The following COBLL1 variants were observed in gnomAD, a reference collection of about 807,000 sequenced individuals.
The protein encoded by COBLL1 is cordon-bleu WH2 repeat protein like 1.
COBLL1 carries 50 observed loss-of-function variants against 94.8 expected under a neutral mutation model. The ratio of observed to expected loss-of-function variants is 0.53; its 90% CI spans 0.42 to 0.67. The LOEUF (loss-of-function observed/expected upper bound fraction) is 0.67, where lower values mean the gene tolerates loss of function less well. Among genes scored for constraint, COBLL1 ranks in the 30% least tolerant of loss-of-function variants. COBLL1 has a pLI of 0.00. For synonymous variants in COBLL1, 448 were observed against 473.8 expected (o/e 0.95, Z 0.71); for missense variants, 1,362 against 1,348.7 (o/e 1.01, Z -0.15).
rs145926321 is a variant in COBLL1, at chr2:164,815,572, G to A, written c.41+25584C>T. The stretch of plus-strand genomic sequence containing the variant: ...AATTGTATAAGCCTAGTTTCCTCCT[G>A]TATAAAAAGGGATAAAACATGAACC... On this transcript the variant is annotated intron_variant, in intron 2 of 13. Coordinates refer to ENST00000652658, the MANE Select transcript of COBLL1 (RefSeq NM_001365672.2). Among the ~76,000 whole-genome samples the A allele has an allele frequency of 3.2e-3, 488 of 152,170 alleles. 5 individuals carry two copies. The highest frequency in any genetic ancestry group is 3.2e-3 in the Non-Finnish European group (220 of 68,002).
intron 2 of COBLL1, 25 bp from the exon 3 acceptor site, chr2:164,743,900 A>C: frequency 6.9e-7 from 1 of 1,440,594 alleles, no homozygotes; most frequent in Non-Finnish European, 9.3e-7. Context: ...AAACACAAAA[A>C]ATACAAAATA....
At chr2:164,774,130 T>C (rs563924354) in intron 2 of COBLL1, among the ~76,000 whole-genome samples, 1 of 152,308 alleles carries the variant, frequency 6.6e-6, no homozygotes, top group African/African-American at 2.4e-5. Context: ...TATAATATTT[T>C]TTAAAGCCTT....
At chr2:164,793,529 C>T (rs1219397169) in intron 2 of COBLL1, among the ~76,000 whole-genome samples, 8 of 151,980 alleles carry the variant, frequency 5.3e-5, no homozygotes, top group South Asian at 2.1e-4. Context: ...TAATATTATG[C>T]CCTAATTTAT....
chr2:164,790,162 G>A (rs899694458), intron 2 of COBLL1, among the ~76,000 whole-genome samples: 1 of 152,160 alleles, frequency 6.6e-6, no homozygotes, highest in Non-Finnish European at 1.5e-5. Context: ...GTCTGCATGG[G>A]TTTTCTCCAG....
intron 2 of COBLL1, among the ~76,000 whole-genome samples, chr2:164,801,454 A>C (rs1683794988): frequency 6.8e-6 from 1 of 146,532 alleles, no homozygotes; most frequent in African/African-American, 2.5e-5. Context: ...AAAAAAAAAA[A>C]AAAAAAAAAA....
At chr2:164,775,449 GTTTGTTTTGT>G (rs747209477) in intron 2 of COBLL1, among the ~76,000 whole-genome samples, 3 of 152,046 alleles carry the variant, frequency 2.0e-5, no homozygotes, top group East Asian at 1.9e-4. Context: ...CCTGCTGGTA[GTTTGTTTTGT>G]TTTGTTTTGT....
intron 2 of COBLL1, among the ~76,000 whole-genome samples, chr2:164,764,279 TCTTA>T (rs1687833393): frequency 6.6e-6 from 1 of 152,212 alleles, no homozygotes; most frequent in Non-Finnish European, 1.5e-5. Context: ...TAACCAGTTG[TCTTA>T]CTATTAGTAG....
At chr2:164,673,026 A>C (rs1352183756) in intron 1 of COBLL1, among the ~76,000 whole-genome samples, 2 of 152,176 alleles carry the variant, frequency 1.3e-5, no homozygotes, top group Non-Finnish European at 2.9e-5. Context: ...TAATTTAAAA[A>C]TTGCCTTCAA....
chr2:164,753,443 G>T (rs1457044749), intron 2 of COBLL1, among the ~76,000 whole-genome samples: 1 of 116,472 alleles, frequency 8.6e-6, no homozygotes, highest in Admixed American at 8.2e-5. Flanking sequence ...TCTCCAAGGT[G>T]CACAAACAAA....
intron 2 of COBLL1, among the ~76,000 whole-genome samples, chr2:164,805,993 G>A (rs971726800): frequency 9.9e-5 from 15 of 152,232 alleles, no homozygotes; most frequent in Non-Finnish European, 2.9e-5. Flanking sequence ...ATTTGGTGTC[G>A]TCCATGTCTT....
At chr2:164,671,723 G>T in intron 1 of COBLL1, among the ~76,000 whole-genome samples, 1 of 151,562 alleles carries the variant, frequency 6.6e-6, no homozygotes, top group East Asian at 1.9e-4. Context: ...ACGTTATGAA[G>T]ATTTTTTTTT....
At position 164,694,939 on chromosome 2, in the gene COBLL1, G is replaced by C. The variant is rs764256857; in HGVS notation, c.2453C>G (p.Ala818Gly). ...AGCAGGTTTCAGAGGACTAACCATG[G>C]CATCATCAGGTGAGCTCACAGAACT... ...VPSSVSSPDDAMVSPLKPAPK... is the reference protein window; with the variant it reads ...VPSSVSSPDDGMVSPLKPAPK... Residue 818 changes from alanine (A) to glycine (G), a missense_variant, in exon 12 of 14, where the codon GCC (alanine) becomes GGC (glycine). Coordinates refer to ENST00000652658, the MANE Select transcript of COBLL1 (RefSeq NM_001365672.2). 6.8e-6 allele frequency: 11 copies of C among 1,613,790 alleles called. No individual in the cohort carries two copies. In the South Asian group the frequency reaches 1.2e-4, roughly 18 times the overall value.
intron 11 of COBLL1, among the ~76,000 whole-genome samples, chr2:164,699,177 C>A (rs1684105576): frequency 6.6e-6 from 1 of 151,908 alleles, no homozygotes; most frequent in Non-Finnish European, 1.5e-5. Flanking sequence ...CTAGGTTCAC[C>A]ACTTACCGTA....
chr2:164,741,971 C>G (rs1453037645), intron 3 of COBLL1, among the ~76,000 whole-genome samples: 1 of 151,916 alleles, frequency 6.6e-6, no homozygotes, highest in East Asian at 1.9e-4. Flanking sequence ...AATAAGGAAC[C>G]CTAAGATCTC....
chr2:164,694,689 A>T lies in COBLL1; in HGVS notation c.2703T>A (p.Asn901Lys), dbSNP rs1273131814. 11 of 1,613,412 alleles carry T rather than the reference A, an allele frequency of 6.8e-6. No individual in the cohort carries two copies. In the Admixed American group the frequency reaches 1.8e-4, roughly 27 times the overall value. ...APNPAPKELT[N>K]KEAERDMLPS... is the part of the protein sequence containing the mutation. ...GCAGCATATCCCTTTCTGCCTCTTT[A>T]TTTGTCAGTTCTTTTGGAGCAGGAT... The change falls in exon 12 of 14, where the codon AAT becomes AAA. Residue 901 changes from asparagine (N) to lysine (K), a missense_variant. Physicochemically the swap from Asn to Lys is moderately conservative, Grantham distance 94. Coordinates refer to ENST00000652658, the MANE Select transcript of COBLL1 (RefSeq NM_001365672.2).
chr2:164,729,995 TG>T lies in COBLL1; in HGVS notation c.350del (p.Pro117GlnfsTer2). ...CCTTCTCTACCTCCAACATTCCTAT[TG>T]GTGTGTTTGGCTTAAATTTAATGTG... ...QNHIKFKPNT[P>X]IGMLEVEKVI... On this transcript the variant is annotated frameshift_variant, in exon 4 of 14. Transcript: ENST00000652658. LOFTEE classifies it high-confidence loss of function. 6.2e-7 allele frequency: 1 copy of T among 1,614,068 alleles called. No homozygotes were observed. The highest frequency in any genetic ancestry group is 8.5e-7 in the Non-Finnish European group (1 of 1,179,956).
intron 2 of COBLL1, among the ~76,000 whole-genome samples, chr2:164,792,865 T>G (rs1349681719): frequency 6.6e-6 from 1 of 152,126 alleles, no homozygotes; most frequent in Non-Finnish European, 1.5e-5. Context: ...TGTACTCTGC[T>G]CCACCTCAGG....
chr2:164,742,364 A>G (rs1023346678), intron 3 of COBLL1, among the ~76,000 whole-genome samples: 3 of 152,064 alleles, frequency 2.0e-5, no homozygotes, highest in South Asian at 2.1e-4. Flanking sequence ...CTTATTTTGA[A>G]TTCAGGAAAA....
At chr2:164,831,565 T>C (rs556635911) in intron 2 of COBLL1, among the ~76,000 whole-genome samples, 13 of 152,054 alleles carry the variant, frequency 8.5e-5, no homozygotes, top group South Asian at 2.1e-4. Flanking sequence ...TTAAAGCACC[T>C]AGCTGCCATC....
Sources: allele counts gnomAD v4.1 joint callset (sites outside exome capture counted in the v4.1 genomes callset), GRCh38; gene constraint gnomAD v4.1.1; transcripts MANE v1.5; gene names NCBI Gene and HGNC (gene_info 2026-07-23, HGNC 2026-07-21).